SCHIP1: variants seen among roughly 807,000 people sequenced by gnomAD.
SCHIP1 encodes schwannomin-interacting protein 1.
In SCHIP1, 8 loss-of-function variants were observed where a neutral mutation model predicts 29.7. That is an observed-to-expected ratio of 0.27 (90% CI 0.16 to 0.49). The LOEUF (loss-of-function observed/expected upper bound fraction) is 0.49, where lower values mean the gene tolerates loss of function less well. SCHIP1 is among the 20% of genes least tolerant of loss of function. SCHIP1 has a pLI of 0.99. For synonymous variants in SCHIP1, 76 were observed against 94.9 expected (o/e 0.80, Z 1.16); for missense variants, 193 against 294.6 (o/e 0.66, Z 2.52).
chr3:159,596,079 C>G, the SCHIP1 span, among the ~76,000 whole-genome samples: 1 of 152,172 alleles, frequency 6.6e-6, no homozygotes, highest in Non-Finnish European at 1.5e-5. Context: ...TATCCAGAAT[C>G]TACAAAGAAC....
the SCHIP1 span, among the ~76,000 whole-genome samples, chr3:159,819,578 C>G: frequency 2.0e-5 from 3 of 152,204 alleles, no homozygotes; most frequent in African/African-American, 7.2e-5. Flanking sequence ...TTGACTGTCA[C>G]TTGCATGTTC....
the SCHIP1 span, among the ~76,000 whole-genome samples, chr3:159,572,949 T>C: frequency 7.0e-6 from 1 of 143,376 alleles, no homozygotes; most frequent in East Asian, 2.1e-4. Flanking sequence ...TTTTTTTTTT[T>C]CTTTCCATTT....
the SCHIP1 span, chr3:159,765,112 G>A: frequency 6.4e-7 from 1 of 1,568,814 alleles, no homozygotes; most frequent in Non-Finnish European, 8.6e-7. Context: ...ACGGAACCAG[G>A]GCCAGGCGAG....
chr3:159,279,940 A>G, the SCHIP1 span, among the ~76,000 whole-genome samples: 1 of 152,124 alleles, frequency 6.6e-6, no homozygotes, highest in South Asian at 2.1e-4. Flanking sequence ...CTTTTCTGAG[A>G]CACTTCTTCC....
At chr3:159,332,203 C>A in the SCHIP1 span, among the ~76,000 whole-genome samples, 1 of 152,178 alleles carries the variant, frequency 6.6e-6, no homozygotes, top group African/African-American at 2.4e-5. Flanking sequence ...GCACCTAGCA[C>A]AATACCTGTT....
the SCHIP1 span, among the ~76,000 whole-genome samples, chr3:159,428,452 C>T: frequency 6.6e-6 from 1 of 152,178 alleles, no homozygotes; most frequent in South Asian, 2.1e-4. Context: ...AAAATGCTCA[C>T]CATCACTGGC....
chr3:159,721,855 C>T, the SCHIP1 span: 2 of 408,582 alleles, frequency 4.9e-6, no homozygotes, highest in East Asian at 1.4e-4. Flanking sequence ...CTGAGGTCCA[C>T]CTTGGGGATG....
chr3:159,677,106 G>A, the SCHIP1 span, among the ~76,000 whole-genome samples: 1 of 152,102 alleles, frequency 6.6e-6, no homozygotes, highest in African/African-American at 2.4e-5. Flanking sequence ...AAGAGTTCAA[G>A]GGGCCAAAAG....
At chr3:159,432,339 T>TGA in the SCHIP1 span, among the ~76,000 whole-genome samples, 178 of 69,326 alleles carry the variant, frequency 2.6e-3, 2 homozygotes, top group African/African-American at 5.0e-3. Context: ...TGTGTGTGTG[T>TGA]GAGAGAGAGA....
chr3:159,737,714 G>A, the SCHIP1 span, among the ~76,000 whole-genome samples: 1 of 152,176 alleles, frequency 6.6e-6, no homozygotes, highest in Non-Finnish European at 1.5e-5. Context: ...TGTGAAAAGT[G>A]TTTACTCTTT....
chr3:159,742,982 G>A, the SCHIP1 span, among the ~76,000 whole-genome samples: 15 of 151,790 alleles, frequency 9.9e-5, no homozygotes, highest in East Asian at 1.6e-3. Context: ...CCACCACGCC[G>A]GGCCTTGGAT....
chr3:159,592,816 A>G, the SCHIP1 span, among the ~76,000 whole-genome samples: 10 of 152,298 alleles, frequency 6.6e-5, no homozygotes, highest in East Asian at 1.9e-3. Flanking sequence ...AGGAAACAAT[A>G]GGCCTGTGCT....
At chr3:159,532,122 T>G in the SCHIP1 span, among the ~76,000 whole-genome samples, 1 of 152,220 alleles carries the variant, frequency 6.6e-6, no homozygotes, top group South Asian at 2.1e-4. Flanking sequence ...CTCATATGAT[T>G]GTCTTGCTGT....
chr3:159,615,124 G>A, the SCHIP1 span, among the ~76,000 whole-genome samples: 1 of 152,188 alleles, frequency 6.6e-6, no homozygotes, highest in Non-Finnish European at 1.5e-5. Flanking sequence ...CCAAGAACGG[G>A]GTAGAGGTAA....
intron 6 of SCHIP1, chr3:159,893,703 A>G (rs754710821): frequency 1.6e-4 from 24 of 152,214 alleles, no homozygotes; most frequent in African/African-American, 4.1e-4. Flanking sequence ...TGGTGTGACC[A>G]TCGGAAACAG....
At chr3:159,322,330 A>G in the SCHIP1 span, among the ~76,000 whole-genome samples, 1 of 152,186 alleles carries the variant, frequency 6.6e-6, no homozygotes, top group Non-Finnish European at 1.5e-5. Flanking sequence ...CATAAAATCA[A>G]AATTATCAGG....
intron 2 of SCHIP1, among the ~76,000 whole-genome samples, chr3:159,879,296 T>C (rs1347598049): frequency 6.6e-6 from 1 of 152,098 alleles, no homozygotes; most frequent in Non-Finnish European, 1.5e-5. Flanking sequence ...TTCTCTTTTT[T>C]TCTACCATTA....
upstream of SCHIP1, among the ~76,000 whole-genome samples, chr3:159,839,637 T>C (rs967925316): frequency 3.0e-5 from 4 of 133,750 alleles, no homozygotes; most frequent in Non-Finnish European, 4.7e-5. Flanking sequence ...TCTTTTTTTT[T>C]TTTTTTTTTT....
the SCHIP1 span, among the ~76,000 whole-genome samples, chr3:159,341,030 A>G: frequency 1.2e-4 from 18 of 152,120 alleles, no homozygotes; most frequent in African/African-American, 4.3e-4. Context: ...GAAAGATTCC[A>G]GAGACTTTCC....
Sources: gnomAD v4.1 joint callset for allele counts (sites outside exome capture counted in the v4.1 genomes callset) on GRCh38, gnomAD v4.1.1 for gene constraint, MANE v1.5 for transcripts, NCBI Gene and HGNC (gene_info 2026-07-23, HGNC 2026-07-21) for gene names.